DMD: variants seen among roughly 807,000 people sequenced by gnomAD.
The protein encoded by DMD is mutant dystrophin.
DMD carries 63 observed loss-of-function variants against 330.1 expected under a neutral mutation model. That is an observed-to-expected ratio of 0.19 (90% CI 0.16 to 0.24). The LOEUF (loss-of-function observed/expected upper bound fraction) is 0.24, where lower values mean the gene tolerates loss of function less well. Among genes scored for constraint, DMD ranks in the 10% least tolerant of loss-of-function variants. The pLI, the probability that DMD is intolerant of heterozygous loss-of-function variation, is 1.00. For synonymous variants in DMD, 1,223 were observed against 959.8 expected (o/e 1.27, Z -5.07); for missense variants, 3,344 against 2,684.1 (o/e 1.25, Z -5.43).
chrX:32,391,197 C>T (rs969787227), intron 30 of DMD, among the ~76,000 whole-genome samples: 2 of 111,292 alleles, frequency 1.8e-5, no homozygotes, highest in South Asian at 3.8e-4. Context: ...AAAATTCAGT[C>T]ATTATTAGAT....
intron 67 of DMD, among the ~76,000 whole-genome samples, chrX:31,194,434 A>G (rs1337790189): frequency 1.8e-5 from 2 of 112,094 alleles, no homozygotes; most frequent in Admixed American, 9.4e-5. Context: ...ATCCTTTAAG[A>G]AAATGGTGTA....
intron 44 of DMD, among the ~76,000 whole-genome samples, chrX:32,207,708 T>TATCA (rs1160336876): frequency 8.9e-6 from 1 of 112,010 alleles, no homozygotes; most frequent in African/African-American, 3.2e-5. Flanking sequence ...TCCTATGAAC[T>TATCA]ATCAGTTGAG....
At chrX:32,306,003 C>A (rs759926371) in intron 42 of DMD, among the ~76,000 whole-genome samples, 6 of 109,949 alleles carry the variant, frequency 5.5e-5, no homozygotes, top group South Asian at 3.8e-4. Flanking sequence ...ATTATACCTA[C>A]GTCTACCCCT....
chrX:32,326,643 ACCAGTAAT>A (rs1011669940), intron 41 of DMD, among the ~76,000 whole-genome samples: 12 of 112,099 alleles, frequency 1.1e-4, no homozygotes, highest in African/African-American at 3.2e-4. Context: ...CATGGCTCAC[ACCAGTAAT>A]CCCAGCACTT....
intron 62 of DMD, among the ~76,000 whole-genome samples, chrX:31,291,256 A>G (rs1488706821): frequency 9.1e-6 from 1 of 110,159 alleles, no homozygotes; most frequent in African/African-American, 3.3e-5. Context: ...TTTTTTTTTA[A>G]TCTGAATTAC....
intron 51 of DMD, among the ~76,000 whole-genome samples, chrX:31,769,995 C>T (rs1179737291): frequency 1.8e-5 from 2 of 111,905 alleles, no homozygotes; most frequent in Admixed American, 1.9e-4. Context: ...GTGAACTGGA[C>T]TCTCTTTTAA....
intron 12 of DMD, among the ~76,000 whole-genome samples, chrX:32,596,337 G>T (rs808540): frequency 0.37 from 39,030 of 106,772 alleles, 6,458 homozygotes; most frequent in African/African-American, 0.62. Flanking sequence ...TAGTTACTGT[G>T]CCTACATATT....
chrX:31,860,932 C>G (rs765640865), intron 48 of DMD, among the ~76,000 whole-genome samples: 8 of 112,048 alleles, frequency 7.1e-5, no homozygotes, highest in African/African-American at 9.7e-5. Context: ...GGATTGATGG[C>G]TAAGAAGAGC....
intron 2 of DMD, among the ~76,000 whole-genome samples, chrX:32,966,138 T>C (rs939905049): frequency 8.9e-6 from 1 of 112,089 alleles, no homozygotes; most frequent in African/African-American, 3.2e-5. Flanking sequence ...CTTCATCTTT[T>C]AGTATCTATT....
At chrX:31,560,192 T>G (rs766630357) in intron 55 of DMD, among the ~76,000 whole-genome samples, 2 of 111,973 alleles carry the variant, frequency 1.8e-5, no homozygotes, top group East Asian at 5.6e-4. Flanking sequence ...GCAGATCTTT[T>G]GGGGATCTTC....
In DMD at chrX:31,134,177, T is replaced by C. The variant is rs767535529; in HGVS notation, c.10939A>G (p.Ser3647Gly). 2.5e-6 allele frequency: 3 copies of C among 1,207,464 alleles called. No individual in the cohort carries two copies. The highest frequency in any genetic ancestry group is 2.2e-6 in the Non-Finnish European group (2 of 893,510). Residue 3647 changes from serine (S) to glycine (G), a missense_variant, in exon 77 of 79, where the codon AGT becomes GGT. By Grantham distance (56) the Ser-to-Gly change is moderately conservative. Coordinates refer to ENST00000357033, the MANE Select transcript of DMD (RefSeq NM_004006.3). ...SDSMGEEDLL[S>G]PPQDTSTGLE... ...CCTGTGCTTGTGTCCTGGGGAGGAC[T>C]GAGAAGATCTTCCTCACCTTAATAA...
At chrX:31,896,781 G>T (rs1012942345) in intron 47 of DMD, among the ~76,000 whole-genome samples, 9 of 110,976 alleles carry the variant, frequency 8.1e-5, no homozygotes, top group African/African-American at 2.9e-4. Context: ...AAAACAAAAA[G>T]AAAACAAAAA....
intron 30 of DMD, among the ~76,000 whole-genome samples, chrX:32,406,666 T>G (rs2098118610): frequency 9.0e-6 from 1 of 110,858 alleles, no homozygotes; most frequent in African/African-American, 3.3e-5. Flanking sequence ...AGTATTTTAT[T>G]GAGGATTTTT....
chrX:32,420,060 C>G (rs2098183444), intron 29 of DMD, among the ~76,000 whole-genome samples: 1 of 111,774 alleles, frequency 8.9e-6, no homozygotes, highest in Non-Finnish European at 1.9e-5. Context: ...ATTCAGTAAA[C>G]ATAAAATAAG....
intron 64 of DMD, among the ~76,000 whole-genome samples, chrX:31,215,163 G>C (rs1295993687): frequency 1.9e-5 from 2 of 107,764 alleles, no homozygotes; most frequent in African/African-American, 6.8e-5. Context: ...GGATGGCCTC[G>C]AACTCCTGAC....
chrX:31,483,476 C>A (rs756160191), intron 57 of DMD, among the ~76,000 whole-genome samples: 15 of 112,518 alleles, frequency 1.3e-4, no homozygotes, highest in African/African-American at 4.8e-4. Context: ...AGCTAAGGAG[C>A]ATCCATTGTG....
intron 72 of DMD, among the ~76,000 whole-genome samples, chrX:31,173,205 T>G (rs1325374602): frequency 1.8e-5 from 2 of 111,506 alleles, no homozygotes; most frequent in Non-Finnish European, 3.8e-5. Flanking sequence ...AGTATCATTT[T>G]TTCATATATG....
At position 32,789,043 on chromosome X, in the gene DMD, G is replaced by A. The variant is rs760875911; in HGVS notation, c.649+20450C>T. On this transcript the variant is annotated intron_variant, in intron 7 of 78. Coordinates refer to ENST00000357033, the MANE Select transcript of DMD (RefSeq NM_004006.3). ...CTCTGCAAACAGCTCCTCTCACCTG[G>A]GCAACCCTTGCTGGAAACTGTTTGA... Among the ~76,000 whole-genome samples, 4 of 111,522 alleles carry A rather than the reference G, an allele frequency of 3.6e-5. No homozygotes were observed. The South Asian group carries it at 1.5e-3, about 42-fold the overall frequency.
At chrX:31,886,539 C>G (rs141671659) in intron 47 of DMD, among the ~76,000 whole-genome samples, 1 of 111,619 alleles carries the variant, frequency 9.0e-6, no homozygotes, top group African/African-American at 3.2e-5. Flanking sequence ...TATGTATAGG[C>G]CTATTAAAAT....
Sources: allele counts gnomAD v4.1 joint callset (sites outside exome capture counted in the v4.1 genomes callset), GRCh38; gene constraint gnomAD v4.1.1; transcripts MANE v1.5; gene names NCBI Gene and HGNC (gene_info 2026-07-23, HGNC 2026-07-21).